The following CCDC172 variants were observed in gnomAD, a reference collection of about 807,000 sequenced individuals.
The protein encoded by CCDC172 is coiled-coil domain containing 172.
CCDC172 carries 30 observed loss-of-function variants against 38.0 expected under a neutral mutation model. The observed-to-expected ratio is 0.79, with a 90% CI of 0.59 to 1.07. The LOEUF (loss-of-function observed/expected upper bound fraction) is 1.07. Among genes scored for constraint, CCDC172 ranks in the 50% least tolerant of loss-of-function variants. CCDC172 has a pLI of 0.00. For missense variants in CCDC172, 297 were observed against 290.1 expected (o/e 1.02, Z -0.17); for synonymous variants, 78 against 88.3 (o/e 0.88, Z 0.66).
rs116240046 is a variant in CCDC172, at chr10:116,326,642, A to C, written c.165+1254A>C. 4.0e-3 allele frequency among the ~76,000 whole-genome samples: 612 copies of C among 152,250 alleles called. 1 individual carries two copies. The highest frequency in any genetic ancestry group is 0.014 in the African/African-American group (580 of 41,556). On this transcript the variant is annotated intron_variant, in intron 3 of 8. Transcript: ENST00000333254. ...TTATACAATAAAGACATCTTGGTAA[A>C]ATTTTAAAATTAAACAATGATACAT... is the stretch of plus-strand genomic sequence containing the variant.
At chr10:116,349,521 T>C (rs1844906346) in intron 5 of CCDC172, among the ~76,000 whole-genome samples, 1 of 152,216 alleles carries the variant, frequency 6.6e-6, no homozygotes, top group South Asian at 2.1e-4. Flanking sequence ...TATTCTCTCA[T>C]TGCCCTCTGT....
chr10:116,351,175 G>A (rs993834671), intron 5 of CCDC172, among the ~76,000 whole-genome samples: 2 of 152,074 alleles, frequency 1.3e-5, no homozygotes, highest in African/African-American at 2.4e-5. Flanking sequence ...GTGATAGAAT[G>A]TCTGATAAAT....
intron 5 of CCDC172, among the ~76,000 whole-genome samples, chr10:116,352,295 T>C (rs2134940479): frequency 6.6e-6 from 1 of 152,248 alleles, no homozygotes; most frequent in African/African-American, 2.4e-5. Flanking sequence ...ACAGCAAAAC[T>C]CATTTAACAA....
chr10:116,373,076 C>G (rs906730879), intron 7 of CCDC172, among the ~76,000 whole-genome samples: 1 of 151,882 alleles, frequency 6.6e-6, no homozygotes, highest in Non-Finnish European at 1.5e-5. Context: ...TGGAGCTATG[C>G]AAAGAAATAA....
At chr10:116,375,620 T>C (rs1015746899) in intron 7 of CCDC172, among the ~76,000 whole-genome samples, 1 of 152,018 alleles carries the variant, frequency 6.6e-6, no homozygotes, top group African/African-American at 2.4e-5. Flanking sequence ...GCAAAGAACA[T>C]GAACTCATCC....
Position 116,362,646 on chromosome 10 carries a change from C to A in CCDC172, c.653+4708C>A, listed in dbSNP as rs564875256. Among the ~76,000 whole-genome samples, 24 of 152,282 alleles carry A rather than the reference C, an allele frequency of 1.6e-4. No individual in the cohort carries two copies. The South Asian group carries it at 4.8e-3, about 30-fold the overall frequency. On this transcript the variant is annotated intron_variant, in intron 7 of 8. Transcript: ENST00000333254. Reference sequence around the variant, plus strand: ...AAAGTAGACAAGAGTAACAAGATCTCAGTTCTACAGTGTCCTCAAAATATT... The same window carrying A: ...AAAGTAGACAAGAGTAACAAGATCTAAGTTCTACAGTGTCCTCAAAATATT...
At chr10:116,345,634 A>G (rs1210624873) in intron 5 of CCDC172, among the ~76,000 whole-genome samples, 1 of 152,234 alleles carries the variant, frequency 6.6e-6, no homozygotes, top group Non-Finnish European at 1.5e-5. Flanking sequence ...GCAAAAAGCC[A>G]ATTATAAAAG....
intron 3 of CCDC172, among the ~76,000 whole-genome samples, chr10:116,333,758 TAGG>T (rs1844694872): frequency 6.6e-6 from 1 of 152,136 alleles, no homozygotes; most frequent in Non-Finnish European, 1.5e-5. Flanking sequence ...TTTGGAGGAA[TAGG>T]AGTTTTATTT....
intron 7 of CCDC172, among the ~76,000 whole-genome samples, chr10:116,362,441 C>G (rs1027347210): frequency 1.3e-5 from 2 of 152,148 alleles, no homozygotes; most frequent in Non-Finnish European, 2.9e-5. Flanking sequence ...AAGATAGTTT[C>G]TAAATATTCA....
chr10:116,342,172 T>C lies in CCDC172; in HGVS notation c.419T>C (p.Leu140Ser). The change falls in exon 5 of 9, where the codon TTA becomes TCA. Residue 140 changes from leucine (L) to serine (S), a missense_variant. Coordinates refer to ENST00000333254, the MANE Select transcript of CCDC172 (RefSeq NM_198515.3). Reference protein sequence around the residue: ...KENVKIEISDLENQANMLKSE... With the variant: ...KENVKIEISDSENQANMLKSE... ...AATGTCAAGATTGAAATATCTGACT[T>C]AGAAAACCAAGCAAACATGTTGAAA... 6.5e-7 allele frequency: 1 copy of C among 1,537,822 alleles called. No individual in the cohort carries two copies. Among genetic ancestry groups the C allele is most frequent in the Non-Finnish European group, 8.7e-7 (1 of 1,153,302 alleles).
intron 5 of CCDC172, among the ~76,000 whole-genome samples, chr10:116,346,627 T>A (rs1742524688): frequency 6.6e-6 from 1 of 151,018 alleles, no homozygotes; most frequent in Admixed American, 6.7e-5. Context: ...TGAATATACT[T>A]TATGTAAATT....
intron 5 of CCDC172, among the ~76,000 whole-genome samples, chr10:116,355,909 G>A (rs1349832823): frequency 6.6e-6 from 1 of 152,168 alleles, no homozygotes; most frequent in African/African-American, 2.4e-5. Context: ...GTAATTGGAT[G>A]CACATATCTG....
At chr10:116,346,291 CAA>C (rs562182925) in intron 5 of CCDC172, among the ~76,000 whole-genome samples, 57 of 79,976 alleles carry the variant, frequency 7.1e-4, no homozygotes, top group East Asian at 4.4e-3. Context: ...GACTTCGTCT[CAA>C]AAAAAAAAAA....
At chr10:116,372,196 C>T (rs1024723979) in intron 7 of CCDC172, among the ~76,000 whole-genome samples, 24 of 151,842 alleles carry the variant, frequency 1.6e-4, no homozygotes, top group African/African-American at 4.6e-4. Flanking sequence ...ATTTGGTTTT[C>T]GTATTGAGAG....
At chr10:116,336,401 A>G (rs1292201667) in intron 3 of CCDC172, among the ~76,000 whole-genome samples, 1 of 151,132 alleles carries the variant, frequency 6.6e-6, no homozygotes, top group African/African-American at 2.4e-5. Flanking sequence ...GGTGAAAATC[A>G]TGTAAAGCCT....
intron 5 of CCDC172, among the ~76,000 whole-genome samples, chr10:116,346,989 G>A (rs1274883112): frequency 6.6e-6 from 1 of 152,126 alleles, no homozygotes; most frequent in African/African-American, 2.4e-5. Flanking sequence ...GGAAGTTAAG[G>A]AAGATTTCCC....
At chr10:116,357,777 T>C (rs1845016802) in intron 6 of CCDC172, 59 bp from the exon 7 acceptor site, 7 of 934,124 alleles carry the variant, frequency 7.5e-6, no homozygotes, top group Non-Finnish European at 1.1e-5. Context: ...TATGAGTGAA[T>C]AAAGATAATC....
intron 3 of CCDC172, among the ~76,000 whole-genome samples, chr10:116,331,575 G>C (rs1025523497): frequency 3.9e-5 from 6 of 152,068 alleles, no homozygotes; most frequent in African/African-American, 1.4e-4. Context: ...CATTTAGTGA[G>C]TGAATAAGTT....
chr10:116,326,226 C>A (rs1310063819), intron 3 of CCDC172, among the ~76,000 whole-genome samples: 1 of 152,068 alleles, frequency 6.6e-6, no homozygotes, highest in Non-Finnish European at 1.5e-5. Context: ...CATAGTGAGA[C>A]CCTGTCTTTA....
Sources: gnomAD v4.1 joint callset for allele counts (sites outside exome capture counted in the v4.1 genomes callset) on GRCh38, gnomAD v4.1.1 for gene constraint, MANE v1.5 for transcripts, NCBI Gene and HGNC (gene_info 2026-07-23, HGNC 2026-07-21) for gene names.